Variants in FANCA observed in about 807,000 individuals in gnomAD.
FANCA encodes Fanconi anemia group A protein.
A neutral mutation model predicts 194.3 loss-of-function variants in FANCA; 236 were observed. The ratio of observed to expected loss-of-function variants is 1.21; its 90% CI spans 1.09 to 1.35. The LOEUF (loss-of-function observed/expected upper bound fraction) is 1.35, where lower values mean the gene tolerates loss of function less well. Among genes scored for constraint, FANCA ranks in the 40% most tolerant of loss-of-function variants. The pLI is 0.00. For missense variants in FANCA, 2,628 were observed against 1,813.9 expected, an observed-to-expected ratio of 1.45 and a Z score of -8.15; for synonymous variants, 1,014 against 715.8, an observed-to-expected ratio of 1.42 and a Z score of -6.65.
At chr16:89,740,132 G>A (rs1172083028) in intron 38 of FANCA, 33 bp from the exon 39 acceptor site, 2 of 1,567,594 alleles carry the variant, frequency 1.3e-6, no homozygotes, top group East Asian at 2.2e-5. Context: ...CCTGAGAATG[G>A]CCGACCTGGT....
chr16:89,746,075 G>C (rs2038378326), intron 35 of FANCA, among the ~76,000 whole-genome samples: 1 of 152,164 alleles, frequency 6.6e-6, no homozygotes, highest in Non-Finnish European at 1.5e-5. Flanking sequence ...AGGGAAGTGA[G>C]GGAAATGCTG....
intron 11 of FANCA, 50 bp from the exon 12 acceptor site, chr16:89,792,597 G>GT: frequency 1.3e-6 from 2 of 1,536,246 alleles, no homozygotes; most frequent in South Asian, 2.3e-5. Flanking sequence ...TCAAAAAGTT[G>GT]TGGGTTTTTG....
In FANCA at chr16:89,814,668, C is replaced by G. The variant is rs1800284; in HGVS notation, c.190-55G>C. 3.9e-5 allele frequency: 51 copies of G among 1,315,028 alleles called. No homozygotes were observed. In the Admixed American group the frequency reaches 8.4e-4, roughly 22 times the overall value. 81.5% of individuals were successfully genotyped at this position (1,315,028 alleles called of 1,614,324 possible). A position where few individuals can be genotyped will look rare whatever the true frequency, so the allele number is the denominator to read the frequency against. Reference sequence around the variant, plus strand: ...TAAAAAATTCAAGCTCCAGGCCAGGCGTAGTGGCTCACGCCTGTAATCCCA... The same window carrying G: ...TAAAAAATTCAAGCTCCAGGCCAGGGGTAGTGGCTCACGCCTGTAATCCCA... On this transcript the variant is annotated intron_variant, in intron 2 of 42. Transcript: ENST00000389301.
In FANCA at chr16:89,775,753, T is replaced by A. The variant is rs199599499; in HGVS notation, c.1889A>T (p.Glu630Val). Reference protein sequence around the residue: ...TYCQACSAAEEKPEDAALGVR... With the variant: ...TYCQACSAAEVKPEDAALGVR... ...GCCCAGGAACTTACCTTCTGGCTTC[T>A]CTTCAGCAGCAGAGCAGGCCTGGCA... The change falls in exon 21 of 43, where the codon GAG becomes GTG. Residue 630 changes from glutamate to valine, a missense_variant. Coordinates refer to ENST00000389301, the MANE Select transcript of FANCA (RefSeq NM_000135.4). The A allele has an allele frequency of 7.4e-6, 12 of 1,612,266 alleles. No individual in the cohort carries two copies. In the East Asian group the frequency reaches 2.7e-4, roughly 36 times the overall value.
intron 30 of FANCA, among the ~76,000 whole-genome samples, chr16:89,757,134 C>G (rs1249423496): frequency 1.3e-5 from 2 of 152,100 alleles, no homozygotes; most frequent in East Asian, 3.9e-4. Flanking sequence ...CACTACCATG[C>G]CTGGCTAATT....
At chr16:89,740,169 C>G (rs559531582) in intron 38 of FANCA, 70 bp from the exon 39 acceptor site, 26 of 1,217,900 alleles carry the variant, frequency 2.1e-5, no homozygotes, top group Middle Eastern at 2.4e-4. Context: ...GGGTACAGCC[C>G]TCAGCACAGA....
chr16:89,769,136 G>C (rs1334875858), intron 26 of FANCA, among the ~76,000 whole-genome samples: 3 of 152,184 alleles, frequency 2.0e-5, no homozygotes, highest in Non-Finnish European at 4.4e-5. Flanking sequence ...CATAATGTCA[G>C]ATCTCCCCTT....
Position 89,746,574 on chromosome 16 carries a change from G to A in FANCA, c.3513+10C>T, listed in dbSNP as rs1431403785. On this transcript the variant is annotated intron_variant, in intron 35 of 42. Transcript: ENST00000389301. The stretch of plus-strand genomic sequence containing the variant: ...CCAAAACAAAACACCAAACAAGACA[G>A]CTGACCCACCAGAGCAGAGGTCAAA... 6.2e-7 allele frequency: 1 copy of A among 1,611,132 alleles called. No homozygotes were observed. Among genetic ancestry groups the A allele is most frequent in the African/African-American group, 1.3e-5 (1 of 74,874 alleles).
chr16:89,739,901 G>C, intron 39 of FANCA, 93 bp downstream of exon 39: 2 of 1,577,854 alleles, frequency 1.3e-6, no homozygotes, highest in South Asian at 2.3e-5. Flanking sequence ...TACTTAGCAA[G>C]GAACCTCAAG....
chr16:89,756,823 C>T (rs958814367), intron 30 of FANCA, among the ~76,000 whole-genome samples: 4 of 152,136 alleles, frequency 2.6e-5, no homozygotes, highest in African/African-American at 9.7e-5. Context: ...GACTTACAGA[C>T]AGAAACCATG....
intron 26 of FANCA, chr16:89,769,629 A>C (rs755949762): frequency 2.8e-5 from 18 of 635,318 alleles, no homozygotes; most frequent in Non-Finnish European, 4.7e-5. Context: ...GTATAATATG[A>C]TCTCATTTTT....
chr16:89,761,109 A>G (rs1193009041), intron 29 of FANCA, among the ~76,000 whole-genome samples: 1 of 152,176 alleles, frequency 6.6e-6, no homozygotes, highest in Non-Finnish European at 1.5e-5. Flanking sequence ...TTCTTAAATA[A>G]AGGAATAACA....
intron 21 of FANCA, among the ~76,000 whole-genome samples, chr16:89,774,465 T>C (rs1465145944): frequency 6.6e-6 from 1 of 151,742 alleles, no homozygotes; most frequent in Non-Finnish European, 1.5e-5. Context: ...GCATGGGGGC[T>C]CCCACCTGTA....
At chr16:89,763,334 G>C (rs988500792) in intron 28 of FANCA, among the ~76,000 whole-genome samples, 1 of 152,020 alleles carries the variant, frequency 6.6e-6, no homozygotes. Context: ...TCAACATATT[G>C]GCAGGCCAAA....
At chr16:89,768,070 A>G (rs1327406433) in intron 26 of FANCA, among the ~76,000 whole-genome samples, 1 of 152,114 alleles carries the variant, frequency 6.6e-6, no homozygotes, top group Non-Finnish European at 1.5e-5. Context: ...AGCTCAGGGG[A>G]TCACTTAAAC....
intron 8 of FANCA, among the ~76,000 whole-genome samples, chr16:89,801,984 C>T (rs1161944278): frequency 6.6e-6 from 1 of 152,180 alleles, no homozygotes; most frequent in African/African-American, 2.4e-5. Flanking sequence ...AATCAGCCAG[C>T]TGAAGAGACA....
At chr16:89,788,578 C>T (rs1411121116) in intron 14 of FANCA, among the ~76,000 whole-genome samples, 5 of 152,184 alleles carry the variant, frequency 3.3e-5, no homozygotes, top group African/African-American at 7.2e-5. Context: ...GCGGGGATCG[C>T]ATGAGGCCAG....
Position 89,738,291 on chromosome 16 carries a change from G to A in FANCA, c.*310C>T, listed in dbSNP as rs1378053079. 1 of 1,546,188 alleles carries A rather than the reference G, an allele frequency of 6.5e-7. No homozygotes were observed. Among genetic ancestry groups the A allele is most frequent in the African/African-American group, 1.4e-5 (1 of 73,204 alleles). On this transcript the variant is annotated 3_prime_UTR_variant, in exon 43 of 43. Coordinates refer to ENST00000389301, the MANE Select transcript of FANCA (RefSeq NM_000135.4). ...CACCTCTAGCAGCCTGGACTCCGCA[G>A]TGGCTGTGTCAGCCTCACCCTTCGT...
At chr16:89,739,682 C>G in intron 39 of FANCA, 129 bp from the exon 40 acceptor site, 1 of 1,517,538 alleles carries the variant, frequency 6.6e-7, no homozygotes, top group Non-Finnish European at 8.9e-7. Context: ...GGGCGAACAG[C>G]CTGAGCTGAG....
Sources: gnomAD v4.1 joint callset for allele counts (sites outside exome capture counted in the v4.1 genomes callset) on GRCh38, gnomAD v4.1.1 for gene constraint, MANE v1.5 for transcripts, NCBI Gene and HGNC (gene_info 2026-07-23, HGNC 2026-07-21) for gene names.